Variants in PCDHA13 observed in about 807,000 individuals in gnomAD.
PCDHA13 encodes protocadherin alpha 13.
In PCDHA13, 54 loss-of-function variants were observed where a neutral mutation model predicts 64.8. The ratio of observed to expected loss-of-function variants is 0.83; its 90% CI spans 0.67 to 1.04. The LOEUF (loss-of-function observed/expected upper bound fraction) is 1.04, where lower values mean the gene tolerates loss of function less well. Among genes scored for constraint, PCDHA13 ranks in the 50% least tolerant of loss-of-function variants. The pLI is 0.00. For missense variants in PCDHA13, 1,248 were observed against 1,254.3 expected (o/e 0.99, Z 0.08); for synonymous variants, 587 against 564.4 (o/e 1.04, Z -0.57).
At chr5:140,888,938 G>T (rs947628683) in intron 1 of PCDHA13, among the ~76,000 whole-genome samples, 1 of 151,864 alleles carries the variant, frequency 6.6e-6, no homozygotes, top group Admixed American at 6.6e-5. Flanking sequence ...TTTGAGGGAG[G>T]TATAAATTTT....
At chr5:140,969,865 C>T (rs982289120) in intron 1 of PCDHA13, among the ~76,000 whole-genome samples, 1 of 152,204 alleles carries the variant, frequency 6.6e-6, no homozygotes. Flanking sequence ...GGTACTTGCA[C>T]TGAACCTATG....
chr5:140,921,367 T>A (rs1165325497), intron 1 of PCDHA13, among the ~76,000 whole-genome samples: 1 of 152,182 alleles, frequency 6.6e-6, no homozygotes, highest in Non-Finnish European at 1.5e-5. Context: ...TCAAGTTTCA[T>A]ATTTCTACAT....
intron 1 of PCDHA13, among the ~76,000 whole-genome samples, chr5:140,973,030 C>G (rs1274875201): frequency 1.3e-5 from 2 of 152,014 alleles, no homozygotes; most frequent in African/African-American, 4.8e-5. Context: ...TAATGAGTCA[C>G]TTTGAGTACT....
chr5:140,929,528 T>C, intron 1 of PCDHA13: 1 of 693,446 alleles, frequency 1.4e-6, no homozygotes, highest in African/African-American at 1.9e-5. Context: ...TAGTTTATTT[T>C]TGAGAAACAA....
At chr5:140,989,657 A>G (rs1045043697) in intron 3 of PCDHA13, among the ~76,000 whole-genome samples, 7 of 152,228 alleles carry the variant, frequency 4.6e-5, no homozygotes, top group African/African-American at 1.7e-4. Flanking sequence ...CAATATTTTA[A>G]AAGAAACTCT....
At chr5:140,943,332 A>G (rs2093478817) in intron 1 of PCDHA13, among the ~76,000 whole-genome samples, 1 of 151,830 alleles carries the variant, frequency 6.6e-6, no homozygotes, top group Non-Finnish European at 1.5e-5. Flanking sequence ...TGTAGTATCC[A>G]TTGGACAGGA....
At chr5:140,919,610 T>G (rs1173177727) in intron 1 of PCDHA13, among the ~76,000 whole-genome samples, 1 of 152,216 alleles carries the variant, frequency 6.6e-6, no homozygotes, top group Non-Finnish European at 1.5e-5. Flanking sequence ...AATTTTAAAC[T>G]GTATCTTTTG....
At position 140,883,938 on chromosome 5, in the gene PCDHA13, A is replaced by C. The variant is rs782647232; in HGVS notation, c.1670A>C (p.Asp557Ala). The C allele has an allele frequency of 6.2e-7, 1 of 1,613,360 alleles. No homozygotes were observed. The highest frequency in any genetic ancestry group is 2.2e-5 in the East Asian group (1 of 44,850). Reference protein sequence around the residue: ...SNVTLQVFVLDENDNAPALLT... With the variant: ...SNVTLQVFVLAENDNAPALLT... ...GTGACGCTGCAGGTGTTCGTGCTGG[A>C]CGAGAACGACAACGCTCCGGCGCTG... Residue 557 changes from aspartate to alanine, a missense_variant, in exon 1 of 4, where the codon GAC becomes GCC. By Grantham distance (126) the Asp-to-Ala change is moderately radical. Coordinates refer to ENST00000289272, the MANE Select transcript of PCDHA13 (RefSeq NM_018904.3).
At chr5:140,901,199 A>T (rs1554189641) in intron 1 of PCDHA13, among the ~76,000 whole-genome samples, 4 of 152,106 alleles carry the variant, frequency 2.6e-5, no homozygotes, top group Non-Finnish European at 5.9e-5. Context: ...TTCTGTGCAG[A>T]AGGTTTTTAA....
At chr5:140,908,049 G>A (rs563362239) in intron 1 of PCDHA13, among the ~76,000 whole-genome samples, 19 of 152,210 alleles carry the variant, frequency 1.2e-4, no homozygotes, top group Admixed American at 1.0e-3. Flanking sequence ...TTGCACATCC[G>A]GCCATTTCTC....
intron 3 of PCDHA13, among the ~76,000 whole-genome samples, chr5:140,999,585 G>C (rs1240906342): frequency 6.6e-6 from 1 of 152,152 alleles, no homozygotes; most frequent in Non-Finnish European, 1.5e-5. Flanking sequence ...AAGGGAAATT[G>C]CCTTCCCTAC....
intron 1 of PCDHA13, among the ~76,000 whole-genome samples, chr5:140,938,125 A>T (rs1339364898): frequency 6.6e-6 from 1 of 152,120 alleles, no homozygotes; most frequent in Non-Finnish European, 1.5e-5. Context: ...TTTTTTAAAA[A>T]AATAGAGATA....
At chr5:140,928,691 T>C (rs1554206164) in intron 1 of PCDHA13, 1 of 1,614,148 alleles carries the variant, frequency 6.2e-7, no homozygotes, top group East Asian at 2.2e-5. Context: ...TCCTACCACA[T>C]CTCCCGGGCG....
chr5:140,948,464 G>A (rs1357759863), intron 1 of PCDHA13, among the ~76,000 whole-genome samples: 1 of 151,508 alleles, frequency 6.6e-6, no homozygotes, highest in Non-Finnish European at 1.5e-5. Flanking sequence ...TTTAGGGAAA[G>A]TTTCTGATAA....
chr5:141,007,694 C>T (rs1466885866), intron 3 of PCDHA13, among the ~76,000 whole-genome samples: 1 of 152,186 alleles, frequency 6.6e-6, no homozygotes, highest in Non-Finnish European at 1.5e-5. Context: ...CTTCCACCTC[C>T]CTCCTCTGCC....
chr5:141,010,403 G>T lies in PCDHA13; in HGVS notation c.*466G>T. ...ATATTGGCTGAGACGAGCCAGCTTA[G>T]ACTAATTGGTACAAGGAAGGCAAGA... On this transcript the variant is annotated 3_prime_UTR_variant, in exon 4 of 4. Transcript: ENST00000289272. 2 of 1,285,614 alleles carry T rather than the reference G, an allele frequency of 1.6e-6. No individual in the cohort carries two copies. Among genetic ancestry groups the T allele is most frequent in the Non-Finnish European group, 2.1e-6 (2 of 956,000 alleles). The allele number at this position is 1,285,614 out of a possible 1,614,324, so 79.6% of individuals were successfully genotyped here. A position where few individuals can be genotyped will look rare whatever the true frequency, so the allele number is the denominator to read the frequency against.
Position 140,884,686 on chromosome 5 carries a change from G to C in PCDHA13, c.2394+24G>C, listed in dbSNP as rs376199469. 72 of 1,538,980 alleles carry C rather than the reference G, an allele frequency of 4.7e-5. No homozygotes were observed. The African/African-American group carries it at 8.7e-4, about 19-fold the overall frequency. ...AGGTAAGCTTATATTTTAAAAAATT[G>C]TCTTAGTAAACACTTTAGCCTTCCT... On this transcript the variant is annotated intron_variant, in intron 1 of 3. Transcript: ENST00000289272.
At chr5:140,893,881 C>T (rs1385683702) in intron 1 of PCDHA13, among the ~76,000 whole-genome samples, 1 of 152,066 alleles carries the variant, frequency 6.6e-6, no homozygotes, top group Non-Finnish European at 1.5e-5. Flanking sequence ...TCCAAAGTGG[C>T]CAGAAAGTTA....
chr5:140,921,213 G>T (rs759293646), intron 1 of PCDHA13, among the ~76,000 whole-genome samples: 1 of 151,496 alleles, frequency 6.6e-6, no homozygotes, highest in Admixed American at 6.6e-5. Flanking sequence ...GATAATTCAC[G>T]TCTTTTTTGC....
Sources: allele counts gnomAD v4.1 joint callset (sites outside exome capture counted in the v4.1 genomes callset), GRCh38; gene constraint gnomAD v4.1.1; transcripts MANE v1.5; gene names NCBI Gene and HGNC (gene_info 2026-07-23, HGNC 2026-07-21).